UVSSA: variants seen among roughly 807,000 people sequenced by gnomAD.
The protein encoded by UVSSA is UV stimulated scaffold protein A.
Under a neutral mutation model 73.9 loss-of-function variants are expected in UVSSA, and 72 were observed. That is an observed-to-expected ratio of 0.97 (90% CI 0.81 to 1.19). UVSSA has a LOEUF of 1.19. Ranked by LOEUF, UVSSA falls within the 50% of genes most tolerant of loss-of-function variation. The pLI is 0.00. For synonymous variants in UVSSA, 454 were observed against 391.3 expected (o/e 1.16, Z -1.89); for missense variants, 1,150 against 965.0 (o/e 1.19, Z -2.54).
chr4:1,371,641 C>T (rs562026259), intron 8 of UVSSA, among the ~76,000 whole-genome samples: 11 of 152,282 alleles, frequency 7.2e-5, no homozygotes, highest in African/African-American at 2.6e-4. Context: ...CACATCTTAA[C>T]GTGGATGGCA....
Position 1,394,627 on chromosome 4 carries a change from G to A in UVSSA, c.*8666G>A, listed in dbSNP as rs201642637. 2.3e-4 allele frequency: 319 copies of A among 1,394,402 alleles called. 9 individuals carry two copies. Among genetic ancestry groups the A allele is most frequent in the East Asian group, 4.3e-4 (17 of 39,990 alleles). The allele number at this position is 1,394,402 out of a possible 1,614,324, so 86.4% of individuals were successfully genotyped here. ...GAGTGCCCGCCTGCTCACACATGTC[G>A]ATGCGGAGTGCCCGCCTGCTCACAC... On this transcript the variant is annotated 3_prime_UTR_variant, in exon 14 of 14. Coordinates refer to the UVSSA transcript ENST00000511216.
intron 7 of UVSSA, among the ~76,000 whole-genome samples, chr4:1,357,647 C>T (rs1715979819): frequency 6.6e-6 from 1 of 152,242 alleles, no homozygotes. Context: ...CTCCACCTCA[C>T]CCTGGTGGAT....
intron 10 of UVSSA, among the ~76,000 whole-genome samples, chr4:1,378,040 C>T (rs778789287): frequency 2.6e-5 from 4 of 152,250 alleles, no homozygotes; most frequent in Admixed American, 1.3e-4. Flanking sequence ...AGGGGCTGCT[C>T]ACCCCACATT....
At chr4:1,354,903 T>TGGGGGG (rs33989352) in intron 6 of UVSSA, 56 bp downstream of exon 6, 15 of 1,465,718 alleles carry the variant, frequency 1.0e-5, no homozygotes, top group Middle Eastern at 1.8e-4. Context: ...GTGCCATGCA[T>TGGGGGG]GGGGGGGGTC....
intron 2 of UVSSA, 121 bp downstream of exon 2, chr4:1,348,310 T>C: frequency 1.3e-6 from 1 of 757,136 alleles, no homozygotes; most frequent in South Asian, 1.6e-5. Context: ...CCAGGACATT[T>C]TCTCGGGGCC....
intron 7 of UVSSA, among the ~76,000 whole-genome samples, chr4:1,360,774 G>A (rs1296882533): frequency 4.6e-5 from 7 of 152,190 alleles, no homozygotes; most frequent in East Asian, 1.9e-4. Flanking sequence ...CGCAGAGCTC[G>A]GGGGCAGGAG....
In UVSSA at chr4:1,354,757, C is replaced by T. The variant is rs373061652; in HGVS notation, c.957C>T (p.Asn319=). The T allele has an allele frequency of 9.9e-5, 160 of 1,613,470 alleles. No homozygotes were observed. The highest frequency in any genetic ancestry group is 1.2e-4 in the Non-Finnish European group (140 of 1,179,942). Residue 319 remains asparagine, a synonymous_variant, in exon 6 of 14, where the codon AAC becomes AAT. Coordinates refer to ENST00000389851, the MANE Select transcript of UVSSA (RefSeq NM_020894.4). ...LCSEGLKVQE[N]EDNLALIHAA... ...CAGAGGGCCTGAAGGTGCAGGAGAA[C>T]GAGGACAACCTTGCTCTCATCCACG...
At chr4:1,356,524 G>A (rs946274127) in intron 7 of UVSSA, 2 of 152,284 alleles carry the variant, frequency 1.3e-5, no homozygotes, top group Non-Finnish European at 2.9e-5. Context: ...TGCTCCACAA[G>A]GAAATACTTC....
In UVSSA at chr4:1,367,372, T is replaced by TG. The variant is rs772922764; in HGVS notation, c.1288+943dup. Among the ~76,000 whole-genome samples the TG allele has an allele frequency of 1.3e-3, 201 of 152,192 alleles. 7 individuals carry two copies. The highest frequency in any genetic ancestry group is 4.4e-4 in the Non-Finnish European group (30 of 68,020). On this transcript the variant is annotated intron_variant, in intron 8 of 13. Transcript: ENST00000389851. The stretch of plus-strand genomic sequence containing the variant: ...CAAGACCCTCAGCTTTTGTGTGGAA[T>TG]GGACAAGTTGGTTTCAATCAGAGTC...
chr4:1,362,801 C>T (rs1391462199), intron 7 of UVSSA, among the ~76,000 whole-genome samples: 2 of 152,204 alleles, frequency 1.3e-5, no homozygotes, highest in Non-Finnish European at 2.9e-5. Context: ...CTCACCCTCC[C>T]TTTGGGCTCC....
In UVSSA at chr4:1,357,260, G is replaced by C. The variant is rs12642274; in HGVS notation, c.1176+2015G>C. Among the ~76,000 whole-genome samples, 193 of 115,616 alleles carry C rather than the reference G, an allele frequency of 1.7e-3. No homozygotes were observed. In the Middle Eastern group the frequency reaches 0.027, roughly 16 times the overall value. The allele number at this position is 115,616 out of a possible 152,430, so 75.8% of individuals were successfully genotyped here. ...ATTGGTGAGGGTCCACAGAGCAGAG[G>C]GGGGCTGATGGGTGGCATGGTCTGG... On this transcript the variant is annotated intron_variant, in intron 7 of 13. Coordinates refer to ENST00000389851, the MANE Select transcript of UVSSA (RefSeq NM_020894.4).
rs1040788126 is a variant in UVSSA at position 1,365,935 on chromosome 4, A to G, written c.1177-385A>G. Reference sequence around the variant, plus strand: ...AACTGCCCTAAGCCTCGGGGGCACCACAGACGCACCTGCTCCACCTGGTGG... The same window carrying G: ...AACTGCCCTAAGCCTCGGGGGCACCGCAGACGCACCTGCTCCACCTGGTGG... On this transcript the variant is annotated intron_variant, in intron 7 of 13. Transcript: ENST00000389851. 72 of 142,416 alleles carry G rather than the reference A, an allele frequency of 5.1e-4. 1 individual carries two copies. The South Asian group carries it at 0.012, about 23-fold the overall frequency. 8.8% of individuals were successfully genotyped at this position (142,416 alleles called of 1,614,324 possible).
intron 7 of UVSSA, among the ~76,000 whole-genome samples, chr4:1,362,011 G>A (rs1217773683): frequency 6.6e-6 from 1 of 152,066 alleles, no homozygotes; most frequent in Non-Finnish European, 1.5e-5. Flanking sequence ...TGTGTGTGGC[G>A]GACAGACCTG....
chr4:1,380,601 A>T, intron 11 of UVSSA: 1 of 1,476,622 alleles, frequency 6.8e-7, no homozygotes, highest in Non-Finnish European at 9.1e-7. Flanking sequence ...GGCATGGTGC[A>T]GGGGGGTCGC....
downstream of UVSSA, chr4:1,388,914 T>C (rs181150425): frequency 2.0e-4 from 30 of 152,342 alleles, no homozygotes; most frequent in African/African-American, 6.7e-4. Flanking sequence ...GTGATGTCTT[T>C]AGCTTTAGTC....
chr4:1,382,124 T>G (rs1228178789), intron 12 of UVSSA, among the ~76,000 whole-genome samples: 1 of 152,232 alleles, frequency 6.6e-6, no homozygotes, highest in Non-Finnish European at 1.5e-5. Flanking sequence ...GAGGCAGATG[T>G]TGAGTGCAGC....
At chr4:1,375,977 G>A (rs1389948736) in intron 9 of UVSSA, 57 bp from the exon 10 acceptor site, 3 of 1,554,588 alleles carry the variant, frequency 1.9e-6, no homozygotes, top group Middle Eastern at 2.3e-4. Context: ...AGGGAGAGGA[G>A]GGTGGCTGTG....
intron 11 of UVSSA, 137 bp downstream of exon 11, chr4:1,380,367 C>T: frequency 8.4e-7 from 1 of 1,197,604 alleles, no homozygotes; most frequent in Non-Finnish European, 1.1e-6. Context: ...AGGGGCTTAT[C>T]CGTGGTGGGC....
chr4:1,382,154 G>T (rs984864520), intron 12 of UVSSA, among the ~76,000 whole-genome samples: 24 of 152,242 alleles, frequency 1.6e-4, no homozygotes, highest in Non-Finnish European at 2.9e-4. Context: ...AGAGGCAGCA[G>T]CTCAGCCCTG....
Sources: allele counts gnomAD v4.1 joint callset (sites outside exome capture counted in the v4.1 genomes callset), GRCh38; gene constraint gnomAD v4.1.1; transcripts MANE v1.5; gene names NCBI Gene and HGNC (gene_info 2026-07-23, HGNC 2026-07-21).